The following NRG1 variants were observed in gnomAD, a reference collection of about 807,000 sequenced individuals.
NRG1 encodes neuregulin 1, also known as pro-neuregulin-1, membrane-bound isoform.
NRG1 carries 18 observed loss-of-function variants against 63.8 expected under a neutral mutation model. The ratio of observed to expected loss-of-function variants is 0.28; its 90% CI spans 0.19 to 0.42. The LOEUF (loss-of-function observed/expected upper bound fraction) is 0.42. Among genes scored for constraint, NRG1 ranks in the 10% least tolerant of loss-of-function variants. NRG1 has a pLI of 1.00. For missense variants in NRG1, 762 were observed against 814.7 expected (o/e 0.94, Z 0.79); for synonymous variants, 302 against 301.3 (o/e 1.00, Z -0.02).
intron 1 of NRG1, among the ~76,000 whole-genome samples, chr8:31,986,641 GA>G (rs1177530378): frequency 1.3e-5 from 2 of 152,032 alleles, no homozygotes; most frequent in Non-Finnish European, 2.9e-5. Context: ...ACAACAATAA[GA>G]AAAGTAGATT....
At chr8:32,073,445 C>T (rs186873078) in intron 1 of NRG1, among the ~76,000 whole-genome samples, 116 of 151,994 alleles carry the variant, frequency 7.6e-4, no homozygotes, top group Non-Finnish European at 1.4e-3. Flanking sequence ...CAGACTTCAT[C>T]CTTAAAAAGC....
chr8:31,927,724 A>G (rs1834498881), intron 1 of NRG1, among the ~76,000 whole-genome samples: 1 of 150,000 alleles, frequency 6.7e-6, no homozygotes, highest in Non-Finnish European at 1.5e-5. Context: ...CTGGGATTAC[A>G]GGCGTGAGCC....
chr8:32,608,504 T>C (rs1845748687), intron 3 of NRG1, among the ~76,000 whole-genome samples: 1 of 152,052 alleles, frequency 6.6e-6, no homozygotes, highest in African/African-American at 2.4e-5. Flanking sequence ...GCGCCCAGCC[T>C]TACTCTGTAT....
chr8:32,576,882 G>A (rs746948302), intron 1 of NRG1, among the ~76,000 whole-genome samples: 10 of 151,634 alleles, frequency 6.6e-5, no homozygotes, highest in Non-Finnish European at 1.3e-4. Context: ...GTGATATTGC[G>A]TGGTGCTGAG....
intron 1 of NRG1, among the ~76,000 whole-genome samples, chr8:31,829,006 A>G (rs1245587730): frequency 2.6e-5 from 4 of 152,214 alleles, no homozygotes; most frequent in Non-Finnish European, 2.9e-5. Context: ...ATGCGGAGAC[A>G]GGGCCTCTTT....
intron 1 of NRG1, among the ~76,000 whole-genome samples, chr8:31,831,780 C>T (rs1825184612): frequency 6.6e-6 from 1 of 152,106 alleles, no homozygotes; most frequent in African/African-American, 2.4e-5. Context: ...ATCACAGTTC[C>T]CTATGGCTAT....
intron 7 of NRG1, among the ~76,000 whole-genome samples, chr8:32,743,739 T>C (rs1345896465): frequency 1.4e-5 from 2 of 142,448 alleles, no homozygotes; most frequent in Admixed American, 1.5e-4. Flanking sequence ...TATTGTGAAC[T>C]GGACACATAT....
intron 1 of NRG1, among the ~76,000 whole-genome samples, chr8:32,301,751 A>ATCG (rs1855587263): frequency 6.6e-6 from 1 of 152,166 alleles, no homozygotes; most frequent in South Asian, 2.1e-4. Context: ...ATTCGCTATC[A>ATCG]TGAGAACAGT....
intron 1 of NRG1, among the ~76,000 whole-genome samples, chr8:32,538,752 C>T (rs71512639): frequency 0.054 from 8,291 of 152,230 alleles, 305 homozygotes; most frequent in Middle Eastern, 0.085. Context: ...TATCTGCATA[C>T]GTTTATAGTC....
intron 1 of NRG1, among the ~76,000 whole-genome samples, chr8:32,399,043 A>C (rs1217507517): frequency 6.6e-6 from 1 of 152,172 alleles, no homozygotes; most frequent in Non-Finnish European, 1.5e-5. Flanking sequence ...TGTAGTACTT[A>C]TTGGCTGTTT....
At chr8:31,948,104 A>G (rs962510591) in intron 1 of NRG1, among the ~76,000 whole-genome samples, 3 of 152,180 alleles carry the variant, frequency 2.0e-5, no homozygotes, top group African/African-American at 4.8e-5. Context: ...ACATATGCAC[A>G]TATGTATATA....
chr8:32,589,384 C>T (rs1010103003), intron 1 of NRG1, among the ~76,000 whole-genome samples: 1 of 152,218 alleles, frequency 6.6e-6, no homozygotes, highest in Non-Finnish European at 1.5e-5. Flanking sequence ...TAATGGTATT[C>T]GTGTGGCTTT....
At chr8:32,257,236 TC>T (rs1849830306) in intron 1 of NRG1, among the ~76,000 whole-genome samples, 1 of 152,124 alleles carries the variant, frequency 6.6e-6, no homozygotes, top group African/African-American at 2.4e-5. Flanking sequence ...GTGGGTGGGA[TC>T]CGCTGAGCTA....
intron 1 of NRG1, among the ~76,000 whole-genome samples, chr8:32,109,647 G>T (rs901937377): frequency 6.6e-6 from 1 of 152,066 alleles, no homozygotes; most frequent in Non-Finnish European, 1.5e-5. Flanking sequence ...ATAGTTAGTT[G>T]TGTGTGTGTT....
chr8:32,638,179 T>TA (rs1851678532), intron 5 of NRG1, among the ~76,000 whole-genome samples: 1 of 152,240 alleles, frequency 6.6e-6, no homozygotes, highest in Non-Finnish European at 1.5e-5. Flanking sequence ...TGTTTGTTTT[T>TA]ACCTCCCAAT....
chr8:32,002,039 C>T (rs1360259611), intron 1 of NRG1, among the ~76,000 whole-genome samples: 1 of 151,582 alleles, frequency 6.6e-6, no homozygotes, highest in Non-Finnish European at 1.5e-5. Context: ...ATTTTTTTTT[C>T]TTGAGATGAA....
At chr8:32,213,254 C>T (rs375678354) in intron 1 of NRG1, among the ~76,000 whole-genome samples, 9 of 152,124 alleles carry the variant, frequency 5.9e-5, no homozygotes, top group African/African-American at 2.2e-4. Context: ...AAATGTGGTA[C>T]ATATACACCA....
intron 1 of NRG1, among the ~76,000 whole-genome samples, chr8:32,590,348 C>T (rs1427888439): frequency 6.6e-6 from 1 of 152,158 alleles, no homozygotes; most frequent in Non-Finnish European, 1.5e-5. Flanking sequence ...TGTGGAACTA[C>T]CGCCTCTCTA....
chr8:31,777,157 G>A (rs1051768529), intron 1 of NRG1, among the ~76,000 whole-genome samples: 1 of 152,174 alleles, frequency 6.6e-6, no homozygotes, highest in Non-Finnish European at 1.5e-5. Context: ...TTAAAGATTT[G>A]ACTACTGGAT....
Sources: allele counts gnomAD v4.1 joint callset (sites outside exome capture counted in the v4.1 genomes callset), GRCh38; gene constraint gnomAD v4.1.1; transcripts MANE v1.5; gene names NCBI Gene and HGNC (gene_info 2026-07-23, HGNC 2026-07-21).